The following SANBR variants were observed in gnomAD, a reference collection of about 807,000 sequenced individuals.
The protein encoded by SANBR is SANT and BTB domain regulator of class switch recombination.
In SANBR, 77 loss-of-function variants were observed where a neutral mutation model predicts 101.8. The observed-to-expected ratio is 0.76, with a 90% CI of 0.63 to 0.91. The LOEUF (loss-of-function observed/expected upper bound fraction) is 0.91, where lower values mean the gene tolerates loss of function less well. Ranked by LOEUF, SANBR falls within the 40% of genes least tolerant of loss-of-function variation. The probability of loss-of-function intolerance (pLI) is 0.00; values close to 1 mark genes in which losing one functional copy is unlikely to be tolerated. For missense variants in SANBR, 875 were observed against 853.0 expected (o/e 1.03, Z -0.32); for synonymous variants, 279 against 274.7 (o/e 1.02, Z -0.15).
chr2:61,108,478 TC>T, intron 15 of SANBR, 129 bp downstream of exon 15: 3 of 565,804 alleles, frequency 5.3e-6, no homozygotes, highest in Non-Finnish European at 9.1e-6. Context: ...TTTCAGATTC[TC>T]CTATTTTGCA....
Position 61,072,821 on chromosome 2 carries a change from CTTTTTTTTT to C in SANBR, c.338-616_338-608del, listed in dbSNP as rs70959893. Among the ~76,000 whole-genome samples the C allele has an allele frequency of 2.0e-3, 62 of 31,668 alleles. 1 individual carries two copies. The highest frequency in any genetic ancestry group is 5.6e-3 in the African/African-American group (42 of 7,464). The allele number at this position is 31,668 out of a possible 152,430, so 20.8% of individuals were successfully genotyped here. On this transcript the variant is annotated intron_variant, in intron 4 of 21. Coordinates refer to ENST00000402291, the MANE Select transcript of SANBR (RefSeq NM_001129993.3). ...AGACTCTTGCTTGTCTCTCATGTTA[CTTTTTTTTT>C]TTTTTTTTTTTTTTTTTTTTATACA...
At chr2:61,094,810 A>AT (rs1301301158) in intron 11 of SANBR, among the ~76,000 whole-genome samples, 1 of 151,712 alleles carries the variant, frequency 6.6e-6, no homozygotes, top group Non-Finnish European at 1.5e-5. Context: ...CACCCGCCTA[A>AT]TTTTTTGTAT....
chr2:61,131,075 A>G (rs1007151118), intron 20 of SANBR, among the ~76,000 whole-genome samples: 7 of 152,076 alleles, frequency 4.6e-5, no homozygotes, highest in African/African-American at 1.7e-4. Flanking sequence ...AAGGACATCT[A>G]CAAAAACCCC....
intron 1 of SANBR, among the ~76,000 whole-genome samples, chr2:61,068,566 A>G (rs1194560456): frequency 6.6e-6 from 1 of 152,202 alleles, no homozygotes; most frequent in East Asian, 1.9e-4. Flanking sequence ...TATAGCTGAG[A>G]CCATTGGAGC....
chr2:61,069,303 T>C (rs1681337102), intron 2 of SANBR, among the ~76,000 whole-genome samples: 1 of 152,210 alleles, frequency 6.6e-6, no homozygotes, highest in African/African-American at 2.4e-5. Flanking sequence ...TTTCACAAAA[T>C]AATCCCTTTA....
rs1025161433 is a variant in SANBR at position 61,096,124 on chromosome 2, G to A, written c.1213-1576G>A. 2.8e-4 allele frequency among the ~76,000 whole-genome samples: 42 copies of A among 152,030 alleles called. 1 individual carries two copies. The highest frequency in any genetic ancestry group is 1.8e-3 in the Admixed American group (28 of 15,280). ...TGGAATTGCCCTCCCAATGGCTCCC[G>A]CAACCATGACACAAAAACCCAACAC... On this transcript the variant is annotated intron_variant, in intron 11 of 21. Transcript: ENST00000402291.
At chr2:61,126,137 C>A (rs1045603014), downstream of SANBR, among the ~76,000 whole-genome samples, 2 of 152,178 alleles carry the variant, frequency 1.3e-5, no homozygotes, top group Non-Finnish European at 2.9e-5. Context: ...CATTCCTGCC[C>A]CCAAACTCCC....
At position 61,099,306 on chromosome 2, in the gene SANBR, A is replaced by T. The variant is rs139762926; in HGVS notation, c.1365+1454A>T. On this transcript the variant is annotated intron_variant, in intron 12 of 21. Coordinates refer to ENST00000402291, the MANE Select transcript of SANBR (RefSeq NM_001129993.3). ...GTGGAATCACGTACAAAAGGAAGTT[A>T]TCATAGAGAGAGCTGATGTTAGCTT... 2.7e-3 allele frequency among the ~76,000 whole-genome samples: 417 copies of T among 152,354 alleles called. 2 individuals are homozygous for T. Among genetic ancestry groups the T allele is most frequent in the African/African-American group, 8.4e-3 (350 of 41,582 alleles).
intron 16 of SANBR, among the ~76,000 whole-genome samples, chr2:61,112,821 G>A (rs1421313359): frequency 6.6e-6 from 1 of 152,138 alleles, no homozygotes; most frequent in East Asian, 1.9e-4. Flanking sequence ...ATTTTGAAGA[G>A]CTAAAGTTTT....
intron 12 of SANBR, among the ~76,000 whole-genome samples, chr2:61,099,440 C>T (rs1317107992): frequency 6.6e-6 from 1 of 152,168 alleles, no homozygotes; most frequent in Admixed American, 6.5e-5. Flanking sequence ...AAGGATGACT[C>T]AGTTTCTAGT....
In SANBR at chr2:61,116,148, G is replaced by A. The variant is rs932721228; in HGVS notation, c.1836+78G>A. On this transcript the variant is annotated intron_variant, in intron 17 of 21. Transcript: ENST00000402291. The stretch of plus-strand genomic sequence containing the variant: ...GTATAGCCAGAAAAAAATAAAAAGA[G>A]TAATGAAGACACATGGAATGCTAGC... 6 of 990,566 alleles carry A rather than the reference G, an allele frequency of 6.1e-6. No individual in the cohort carries two copies. In the East Asian group the frequency reaches 1.5e-4, roughly 24 times the overall value. 61.4% of individuals were successfully genotyped at this position (990,566 alleles called of 1,614,324 possible).
In SANBR at chr2:61,117,326, T is replaced by C. The variant is rs780248766; in HGVS notation, c.1837-31T>C. 23 of 1,601,164 alleles carry C rather than the reference T, an allele frequency of 1.4e-5. No homozygotes were observed. The Admixed American group carries it at 2.3e-4, about 16-fold the overall frequency. On this transcript the variant is annotated intron_variant, in intron 17 of 21. Transcript: ENST00000402291. Reference sequence around the variant, plus strand: ...GCACTAATCAGTAAACATGTTCTAATTGGGCCTTAATGTTGTCTACTTTTT... The same window carrying C: ...GCACTAATCAGTAAACATGTTCTAACTGGGCCTTAATGTTGTCTACTTTTT...
At position 61,088,155 on chromosome 2, in the gene SANBR, AT is replaced by A. The variant is rs1559096806; in HGVS notation, c.891-3del. On this transcript the variant is annotated splice_region_variant and splice_polypyrimidine_tract_variant and intron_variant, in intron 8 of 21. Transcript: ENST00000402291. ...TTAATATTTTGGTCATTTGTTGTTA[AT>A]AGCAAACTTTTTTGTAAGAAGATTG... 1.3e-6 allele frequency: 2 copies of A among 1,583,092 alleles called. No homozygotes were observed. Among genetic ancestry groups the A allele is most frequent in the East Asian group, 4.5e-5 (2 of 44,588 alleles).
At chr2:61,118,213 TA>T in intron 20 of SANBR, 97 bp downstream of exon 20, 4 of 769,176 alleles carry the variant, frequency 5.2e-6, no homozygotes. Flanking sequence ...GGCAGAATTT[TA>T]AAAGAGTAAT....
intron 13 of SANBR, among the ~76,000 whole-genome samples, chr2:61,104,691 C>T (rs915287734): frequency 1.3e-5 from 2 of 152,088 alleles, no homozygotes; most frequent in African/African-American, 4.8e-5. Flanking sequence ...ATGAACTTCT[C>T]AAATTCAGTA....
chr2:61,127,762 C>T (rs1378587629), downstream of SANBR, among the ~76,000 whole-genome samples: 1 of 151,930 alleles, frequency 6.6e-6, no homozygotes, highest in Non-Finnish European at 1.5e-5. Flanking sequence ...TAACATACAT[C>T]TAATGGAAGT....
intron 13 of SANBR, among the ~76,000 whole-genome samples, chr2:61,104,357 C>A (rs1249180919): frequency 6.6e-6 from 1 of 151,918 alleles, no homozygotes; most frequent in Non-Finnish European, 1.5e-5. Flanking sequence ...TGGTGGGCAC[C>A]TGTAGTCCCA....
intron 20 of SANBR, among the ~76,000 whole-genome samples, chr2:61,132,697 T>A (rs1465970451): frequency 6.6e-6 from 1 of 152,174 alleles, no homozygotes; most frequent in Non-Finnish European, 1.5e-5. Flanking sequence ...AAACCAATAC[T>A]TGTACACAAA....
intron 10 of SANBR, chr2:61,088,707 G>C: frequency 3.7e-6 from 1 of 273,062 alleles, no homozygotes; most frequent in African/African-American, 2.3e-5. Flanking sequence ...TTTTAGTAGA[G>C]ATGGAGTTTC....
Sources: allele counts gnomAD v4.1 joint callset (sites outside exome capture counted in the v4.1 genomes callset), GRCh38; gene constraint gnomAD v4.1.1; transcripts MANE v1.5; gene names NCBI Gene and HGNC (gene_info 2026-07-23, HGNC 2026-07-21).